The following CADPS2 variants were observed in gnomAD, a reference collection of about 807,000 sequenced individuals.
CADPS2 encodes the protein calcium-dependent secretion activator 2.
A neutral mutation model predicts 172.5 loss-of-function variants in CADPS2; 93 were observed. The ratio of observed to expected loss-of-function variants is 0.54; its 90% CI spans 0.46 to 0.64. CADPS2 has a LOEUF of 0.64. Among genes scored for constraint, CADPS2 ranks in the 30% least tolerant of loss-of-function variants. The pLI is 0.00. For missense variants in CADPS2, 1,420 were observed against 1,565.9 expected, an observed-to-expected ratio of 0.91 and a Z score of 1.57; for synonymous variants, 546 against 555.2, an observed-to-expected ratio of 0.98 and a Z score of 0.23.
intron 1 of CADPS2, among the ~76,000 whole-genome samples, chr7:122,790,297 G>A (rs1172873644): frequency 6.6e-6 from 1 of 151,350 alleles, no homozygotes; most frequent in African/African-American, 2.4e-5. Context: ...TACTCAAGAG[G>A]CTAAAGCAGG....
intron 5 of CADPS2, among the ~76,000 whole-genome samples, chr7:122,619,082 T>C (rs1287617557): frequency 1.3e-5 from 2 of 152,124 alleles, no homozygotes; most frequent in East Asian, 3.9e-4. Flanking sequence ...CCTAAACATA[T>C]TGGCAATAAA....
intron 2 of CADPS2, among the ~76,000 whole-genome samples, chr7:122,722,996 G>A (rs1013118585): frequency 6.6e-5 from 10 of 152,006 alleles, no homozygotes; most frequent in African/African-American, 2.2e-4. Flanking sequence ...GCTGAAACTG[G>A]ATCCCTTCCT....
intron 9 of CADPS2, among the ~76,000 whole-genome samples, chr7:122,506,727 T>A (rs1186016568): frequency 1.1e-4 from 15 of 142,058 alleles, no homozygotes; most frequent in Admixed American, 2.8e-4. Context: ...TAGAGTTATT[T>A]AAAAAAAAAA....
At chr7:122,540,983 G>C (rs946041154) in intron 8 of CADPS2, among the ~76,000 whole-genome samples, 1 of 151,930 alleles carries the variant, frequency 6.6e-6, no homozygotes, top group African/African-American at 2.4e-5. Flanking sequence ...AATACATAGA[G>C]AGTACTTAAT....
At position 122,705,732 on chromosome 7, in the gene CADPS2, TTA is replaced by T. The variant is rs1273880819; in HGVS notation, c.453+31221_453+31222del. ...CATATATTATATAATATATCATATA[TTA>T]TATAATATATAATATATATAATATA... On this transcript the variant is annotated intron_variant, in intron 2 of 29. Transcript: ENST00000449022. Among the ~76,000 whole-genome samples the T allele has an allele frequency of 1.8e-4, 2 of 11,418 alleles. 1 individual carries two copies. The highest frequency in any genetic ancestry group is 3.8e-4 in the African/African-American group (2 of 5,312). 7.5% of individuals were successfully genotyped at this position (11,418 alleles called of 152,430 possible).
chr7:122,555,489 G>A lies in CADPS2; in HGVS notation c.1336-800C>T, dbSNP rs536271879. ...AATGGGAGAATGCTCATTTGTATAG[G>A]CTAAAATACAAAATATGTGAAGTGC... On this transcript the variant is annotated intron_variant, in intron 7 of 29. Coordinates refer to ENST00000449022, the MANE Select transcript of CADPS2 (RefSeq NM_017954.11). Among the ~76,000 whole-genome samples, 4 of 152,036 alleles carry A rather than the reference G, an allele frequency of 2.6e-5. No individual in the cohort carries two copies. In the South Asian group the frequency reaches 8.3e-4, roughly 32 times the overall value.
intron 8 of CADPS2, among the ~76,000 whole-genome samples, chr7:122,531,246 G>C (rs931990248): frequency 2.6e-5 from 4 of 152,208 alleles, no homozygotes; most frequent in Non-Finnish European, 5.9e-5. Context: ...TCAAAGAAAA[G>C]AGTGTCCACA....
chr7:122,345,749 C>A, intron 27 of CADPS2, 68 bp from the exon 28 acceptor site: 1 of 1,004,532 alleles, frequency 1.0e-6, no homozygotes, highest in Non-Finnish European at 1.5e-6. Flanking sequence ...ATTATTTAAT[C>A]ATACCCTGAA....
chr7:122,667,625 T>C (rs909809172), intron 2 of CADPS2, among the ~76,000 whole-genome samples: 2 of 151,818 alleles, frequency 1.3e-5, no homozygotes, highest in African/African-American at 4.8e-5. Flanking sequence ...GCAAATATAA[T>C]AGGGCGACAG....
chr7:122,465,935 A>C (rs1174567690), intron 14 of CADPS2, among the ~76,000 whole-genome samples: 1 of 152,192 alleles, frequency 6.6e-6, no homozygotes, highest in Non-Finnish European at 1.5e-5. Context: ...GGTAGTGGTA[A>C]ATAACACCTA....
chr7:122,662,089 C>G (rs1039408484), intron 3 of CADPS2, among the ~76,000 whole-genome samples: 6 of 152,028 alleles, frequency 3.9e-5, no homozygotes, highest in Non-Finnish European at 5.9e-5. Context: ...CCACAAATTA[C>G]CAATGCAAAG....
At chr7:122,661,699 A>G (rs1459809803) in intron 3 of CADPS2, among the ~76,000 whole-genome samples, 1 of 152,178 alleles carries the variant, frequency 6.6e-6, no homozygotes, top group African/African-American at 2.4e-5. Context: ...CTTATCTTAT[A>G]TAGACTTTAG....
In CADPS2 at chr7:122,443,590, ATT is replaced by A. The variant is rs34333754; in HGVS notation, c.2289-2017_2289-2016del. 9.9e-4 allele frequency among the ~76,000 whole-genome samples: 142 copies of A among 143,724 alleles called. 1 individual carries two copies. The highest frequency in any genetic ancestry group is 4.9e-3 in the East Asian group (24 of 4,930). 94.3% of individuals were successfully genotyped at this position (143,724 alleles called of 152,430 possible). A position where few individuals can be genotyped will look rare whatever the true frequency, so the allele number is the denominator to read the frequency against. On this transcript the variant is annotated intron_variant, in intron 15 of 29. Coordinates refer to ENST00000449022, the MANE Select transcript of CADPS2 (RefSeq NM_017954.11). ...TTTGTTCCCTATTTTTAAATACAGT[ATT>A]TTTTTTTTTTACCAAAGTGATATAT...
intron 2 of CADPS2, among the ~76,000 whole-genome samples, chr7:122,709,059 T>C (rs1486864897): frequency 6.6e-6 from 1 of 151,992 alleles, no homozygotes; most frequent in Non-Finnish European, 1.5e-5. Context: ...AGAGGAAAAA[T>C]ATACCAAGCA....
chr7:122,345,985 T>C (rs964559890), intron 27 of CADPS2, among the ~76,000 whole-genome samples: 6 of 147,852 alleles, frequency 4.1e-5, no homozygotes, highest in Admixed American at 2.8e-4. Flanking sequence ...AATGAATAAA[T>C]TTTTCCAAAA....
intron 2 of CADPS2, among the ~76,000 whole-genome samples, chr7:122,729,024 C>G (rs959742627): frequency 2.6e-5 from 4 of 151,748 alleles, no homozygotes; most frequent in African/African-American, 9.7e-5. Flanking sequence ...CTATCCAACA[C>G]CTGCTCTTCC....
intron 19 of CADPS2, among the ~76,000 whole-genome samples, chr7:122,413,411 C>T (rs1247547322): frequency 1.3e-5 from 2 of 152,134 alleles, no homozygotes; most frequent in African/African-American, 4.8e-5. Context: ...GGGAAAACTG[C>T]CTGGTAAGGT....
intron 28 of CADPS2, among the ~76,000 whole-genome samples, chr7:122,335,051 T>C (rs369493135): frequency 1.0e-3 from 156 of 152,284 alleles, no homozygotes; most frequent in African/African-American, 3.5e-3. Context: ...GTGACATAGA[T>C]AGCCATCTCT....
chr7:122,404,817 AAC>A (rs770467771), intron 20 of CADPS2, among the ~76,000 whole-genome samples: 3 of 152,146 alleles, frequency 2.0e-5, no homozygotes, highest in Admixed American at 6.5e-5. Flanking sequence ...AAATAGAGAA[AAC>A]AGTGTTAAAA....
Sources: allele counts gnomAD v4.1 joint callset (sites outside exome capture counted in the v4.1 genomes callset), GRCh38; gene constraint gnomAD v4.1.1; transcripts MANE v1.5; gene names NCBI Gene and HGNC (gene_info 2026-07-23, HGNC 2026-07-21).